The following TRIM11 variants were observed in gnomAD, a reference collection of about 807,000 sequenced individuals.
The protein encoded by TRIM11 is E3 ubiquitin-protein ligase TRIM11.
Under a neutral mutation model 33.4 loss-of-function variants are expected in TRIM11, and 15 were observed. That is an observed-to-expected ratio of 0.45 (90% CI 0.30 to 0.69). TRIM11 has a LOEUF of 0.69. Among genes scored for constraint, TRIM11 ranks in the 30% least tolerant of loss-of-function variants. TRIM11 has a pLI of 0.08. For synonymous variants in TRIM11, 281 were observed against 302.6 expected (o/e 0.93, Z 0.74); for missense variants, 499 against 667.6 (o/e 0.75, Z 2.78).
At position 228,406,203 on chromosome 1, in the gene TRIM11, T is replaced by A. The variant is rs1656410148; in HGVS notation, c.359A>T (p.His120Leu). ...LCAACERSGE[H>L]WAHRVRPLQD... The stretch of plus-strand genomic sequence containing the variant: ...CAGCGGCCGCACGCGGTGCGCCCAG[T>A]GCTCCCCAGAGCGCTCGCAGGCCGC... The change falls in exon 1 of 6, where the codon CAC (histidine) becomes CTC (leucine). Residue 120 changes from histidine to leucine, a missense_variant. His to Leu is a moderately conservative substitution (Grantham distance 99). Coordinates refer to ENST00000284551, the MANE Select transcript of TRIM11 (RefSeq NM_145214.3). This position sits in a 1 kb window ranked among gnomAD's most constrained non-coding sequence, Gnocchi z 8.2. 1 of 1,467,318 alleles carries A rather than the reference T, an allele frequency of 6.8e-7. No individual in the cohort carries two copies. Among genetic ancestry groups the A allele is most frequent in the Admixed American group, 2.6e-5 (1 of 38,698 alleles). The allele number at this position is 1,467,318 out of a possible 1,614,324, so 90.9% of individuals were successfully genotyped here. A position where few individuals can be genotyped will look rare whatever the true frequency, so the allele number is the denominator to read the frequency against.
At position 228,406,311 on chromosome 1, in the gene TRIM11, G is replaced by C; in HGVS notation, c.251C>G (p.Pro84Arg). ...GCACACGCCCTGCGGGACCGGCGAC[G>C]GCGGGTGCAGGCGCCGCGCCATCTC... ...MAEMARRLHP[P>R]SPVPQGVCPA... Residue 84 changes from proline to arginine, a missense_variant, in exon 1 of 6, where the codon CCG (proline) becomes CGG (arginine). Transcript: ENST00000284551. The surrounding 1 kb of genome is among the most constrained non-coding windows in gnomAD (Gnocchi z 8.2). 6.8e-7 allele frequency: 1 copy of C among 1,468,568 alleles called. No homozygotes were observed. The highest frequency in any genetic ancestry group is 9.0e-7 in the Non-Finnish European group (1 of 1,114,044). The allele number at this position is 1,468,568 out of a possible 1,614,324, so 91.0% of individuals were successfully genotyped here. A position where few individuals can be genotyped will look rare whatever the true frequency, so the allele number is the denominator to read the frequency against.
In TRIM11 at chr1:228,403,493, C is replaced by T. The variant is rs1447613184; in HGVS notation, c.409-1332G>A. 1 of 152,352 alleles carries T rather than the reference C, an allele frequency of 6.6e-6. No individual in the cohort carries two copies. Among genetic ancestry groups the T allele is most frequent in the African/African-American group, 2.4e-5 (1 of 41,456 alleles). 9.4% of individuals were successfully genotyped at this position (152,352 alleles called of 1,614,324 possible). A position where few individuals can be genotyped will look rare whatever the true frequency, so the allele number is the denominator to read the frequency against. On this transcript the variant is annotated intron_variant, in intron 1 of 5. Coordinates refer to ENST00000284551, the MANE Select transcript of TRIM11 (RefSeq NM_145214.3). This position sits in a 1 kb window ranked among gnomAD's most constrained non-coding sequence, Gnocchi z 4.8. ...CTAGGCTCAGCTCTCACGTGAGCTACAAGAACCCCAAATGGCGGTCCCTGT... is the reference window on the plus strand; with the variant it reads ...CTAGGCTCAGCTCTCACGTGAGCTATAAGAACCCCAAATGGCGGTCCCTGT...
rs1282050242 is a variant in TRIM11, at chr1:228,406,445, G to A, written c.117C>T (p.Cys39=). Residue 39 remains cysteine, a synonymous_variant, in exon 1 of 6, where the codon TGC becomes TGT. Transcript: ENST00000284551. This position sits in a 1 kb window ranked among gnomAD's most constrained non-coding sequence, Gnocchi z 8.2. ...CGGGCTGGCCCCAGCAGCGCCGGAT[G>A]CACTCGCGGCAGAAGTTGTGGCCGC... is the stretch of plus-strand genomic sequence containing the variant. ...TDCGHNFCRE[C]IRRCWGQPEG... is the part of the protein sequence containing the mutation. 2 of 1,590,034 alleles carry A rather than the reference G, an allele frequency of 1.3e-6. No homozygotes were observed. Among genetic ancestry groups the A allele is most frequent in the Non-Finnish European group, 8.5e-7 (1 of 1,172,970 alleles).
At chr1:228,402,630 C>T (rs1305326005) in intron 1 of TRIM11, 1 of 153,438 alleles carries the variant, frequency 6.5e-6, no homozygotes, top group Non-Finnish European at 1.5e-5. Context: ...TATGCCCCCA[C>T]AAATTCATAG....
Position 228,394,583 on chromosome 1 carries a change from C to G in TRIM11, c.*122G>C. On this transcript the variant is annotated 3_prime_UTR_variant, in exon 6 of 6. Coordinates refer to ENST00000284551, the MANE Select transcript of TRIM11 (RefSeq NM_145214.3). This position sits in a 1 kb window ranked among gnomAD's most constrained non-coding sequence, Gnocchi z 6.2. ...TCTCCCACGCAGGCTCAGAAAGGCA[C>G]CAGGAGTTCCTCCTCTTGCTCAAAG... is the stretch of plus-strand genomic sequence containing the variant. 1 of 1,125,746 alleles carries G rather than the reference C, an allele frequency of 8.9e-7. No homozygotes were observed. Among genetic ancestry groups the G allele is most frequent in the East Asian group, 2.6e-5 (1 of 38,562 alleles). 69.7% of individuals were successfully genotyped at this position (1,125,746 alleles called of 1,614,324 possible).
intron 3 of TRIM11, among the ~76,000 whole-genome samples, chr1:228,398,943 G>T (rs551363001): frequency 1.3e-5 from 2 of 152,014 alleles, no homozygotes; most frequent in African/African-American, 4.8e-5. Flanking sequence ...CACAGAACAC[G>T]GGCCCTCCAG....
rs202160403 is a variant in TRIM11, at chr1:228,401,140, G to A, written c.559C>T (p.Arg187Cys). 5 of 1,613,600 alleles carry A rather than the reference G, an allele frequency of 3.1e-6. No individual in the cohort carries two copies. Among genetic ancestry groups the A allele is most frequent in the East Asian group, 2.2e-5 (1 of 44,872 alleles). ...TGCTGCTCCTCCTCTGCCAGCAAAC[G>A]GCGAAGACGCTCGAACTCACCCAGC... Reference protein sequence around the residue: ...NVLGEFERLRRLLAEEEQQLL... With the variant: ...NVLGEFERLRCLLAEEEQQLL... The change falls in exon 3 of 6, where the codon CGT (arginine) becomes TGT (cysteine). Residue 187 changes from arginine to cysteine, a missense_variant. Arg to Cys is a radical substitution (Grantham distance 180). Coordinates refer to ENST00000284551, the MANE Select transcript of TRIM11 (RefSeq NM_145214.3). This position sits in a 1 kb window ranked among gnomAD's most constrained non-coding sequence, Gnocchi z 6.1.
chr1:228,401,056 C>T lies in TRIM11; in HGVS notation c.643G>A (p.Ala215Thr), dbSNP rs558730848. ...GCGCTCTGCTGGCCTAGGTGGGCTG[C>T]GCCCTCCCGCAGCCGGGGCAGCACC... ...LEVLPRLREG[A>T]AHLGQQSAHL... The change falls in exon 3 of 6, where the codon GCA becomes ACA. Residue 215 changes from alanine (A) to threonine (T), a missense_variant. Coordinates refer to ENST00000284551, the MANE Select transcript of TRIM11 (RefSeq NM_145214.3). The surrounding 1 kb of genome is among the most constrained non-coding windows in gnomAD (Gnocchi z 6.1). 49 of 1,612,490 alleles carry T rather than the reference C, an allele frequency of 3.0e-5. No individual in the cohort carries two copies. In the Admixed American group the frequency reaches 5.0e-4, roughly 16 times the overall value.
At chr1:228,399,174 C>T (rs1178436823) in intron 3 of TRIM11, among the ~76,000 whole-genome samples, 1 of 152,096 alleles carries the variant, frequency 6.6e-6, no homozygotes, top group African/African-American at 2.4e-5. Flanking sequence ...GTTCCCCTAC[C>T]CAACCGGGGG....
At position 228,395,512 on chromosome 1, in the gene TRIM11, G is replaced by C; in HGVS notation, c.860-260C>G. 2.7e-6 allele frequency: 1 copy of C among 363,868 alleles called. No individual in the cohort carries two copies. The highest frequency in any genetic ancestry group is 4.8e-6 in the Non-Finnish European group (1 of 206,368). 22.5% of individuals were successfully genotyped at this position (363,868 alleles called of 1,614,324 possible). A position where few individuals can be genotyped will look rare whatever the true frequency, so the allele number is the denominator to read the frequency against. ...CCTTCAGATATCAAGAGGGAATCTT[G>C]GTTGCTTTTTTTTTTTTTTTTAAAG... On this transcript the variant is annotated intron_variant, in intron 5 of 5. Transcript: ENST00000284551. The surrounding 1 kb of genome is among the most constrained non-coding windows in gnomAD (Gnocchi z 4.8).
chr1:228,405,434 G>A (rs1431847182), intron 1 of TRIM11: 1 of 152,322 alleles, frequency 6.6e-6, no homozygotes, highest in Non-Finnish European at 1.5e-5. Context: ...GCTCCCAGGA[G>A]CACACCTGCA....
intron 5 of TRIM11, 193 bp downstream of exon 5, chr1:228,396,754 T>C (rs928651431): frequency 2.1e-5 from 15 of 721,460 alleles, no homozygotes; most frequent in African/African-American, 1.7e-4. Context: ...AGTTGAAGAA[T>C]TGTTTGGTGT....
intron 3 of TRIM11, among the ~76,000 whole-genome samples, chr1:228,399,879 CAAAAAAAAAAACA>C (rs755070047): frequency 0.021 from 2,443 of 115,970 alleles, 67 homozygotes; most frequent in African/African-American, 0.078. Flanking sequence ...CTTAAATCTA[CAAAAAAAAAAACA>C]AAAAAAAAAA....
In TRIM11 at chr1:228,400,363, C is replaced by T. The variant is rs1249266114; in HGVS notation, c.735+601G>A. 6.6e-6 allele frequency among the ~76,000 whole-genome samples: 1 copy of T among 152,242 alleles called. No individual in the cohort carries two copies. Among genetic ancestry groups the T allele is most frequent in the African/African-American group, 2.4e-5 (1 of 41,464 alleles). Reference sequence around the variant, plus strand: ...GAGAGCTGACTCCAGGCCCCCTGACCTGCCGCCAGGCCACAGGCCAGGGCG... The same window carrying T: ...GAGAGCTGACTCCAGGCCCCCTGACTTGCCGCCAGGCCACAGGCCAGGGCG... On this transcript the variant is annotated intron_variant, in intron 3 of 5. Coordinates refer to ENST00000284551, the MANE Select transcript of TRIM11 (RefSeq NM_145214.3). This position sits in a 1 kb window ranked among gnomAD's most constrained non-coding sequence, Gnocchi z 4.5.
Position 228,394,511 on chromosome 1 carries a change from C to T in TRIM11, c.*194G>A. The T allele has an allele frequency of 1.6e-6, 1 of 638,410 alleles. No homozygotes were observed. Among genetic ancestry groups the T allele is most frequent in the African/African-American group, 1.8e-5 (1 of 54,560 alleles). 39.5% of individuals were successfully genotyped at this position (638,410 alleles called of 1,614,324 possible). On this transcript the variant is annotated 3_prime_UTR_variant, in exon 6 of 6. Transcript: ENST00000284551. This position sits in a 1 kb window ranked among gnomAD's most constrained non-coding sequence, Gnocchi z 6.2. ...GAGGGGTCTCCCAGGGAGGACGGAGCCTGCCCCACACTCTCCCACAGTTTC... is the reference window on the plus strand; with the variant it reads ...GAGGGGTCTCCCAGGGAGGACGGAGTCTGCCCCACACTCTCCCACAGTTTC...
rs1656303005 is a variant in TRIM11 at position 228,403,596 on chromosome 1, C to CA, written c.409-1436dup. On this transcript the variant is annotated intron_variant, in intron 1 of 5. Transcript: ENST00000284551. This position sits in a 1 kb window ranked among gnomAD's most constrained non-coding sequence, Gnocchi z 4.8. ...GGCCCCTGTGACCCCAACCCCACCT[C>CA]AAACACTTGGCCCAGTGCCTCTCAC... The CA allele has an allele frequency of 6.6e-6, 1 of 152,392 alleles. No individual in the cohort carries two copies. Among genetic ancestry groups the CA allele is most frequent in the African/African-American group, 2.4e-5 (1 of 41,478 alleles). The allele number at this position is 152,392 out of a possible 1,614,324, so 9.4% of individuals were successfully genotyped here.
In TRIM11 at chr1:228,406,136, AC is replaced by A; in HGVS notation, c.408+17del. 2 of 1,297,320 alleles carry A rather than the reference AC, an allele frequency of 1.5e-6. No individual in the cohort carries two copies. The highest frequency in any genetic ancestry group is 1.9e-6 in the Non-Finnish European group (2 of 1,027,418). 80.4% of individuals were successfully genotyped at this position (1,297,320 alleles called of 1,614,324 possible). ...CGGCTCCCCGACGCCCCTGCACGCC[AC>A]CCCCGCCCAGGAGCACCTTGAGGTC... On this transcript the variant is annotated intron_variant, in intron 1 of 5. Coordinates refer to ENST00000284551, the MANE Select transcript of TRIM11 (RefSeq NM_145214.3). The surrounding 1 kb of genome is among the most constrained non-coding windows in gnomAD (Gnocchi z 8.2).
In TRIM11 at chr1:228,395,228, G is replaced by A; in HGVS notation, c.884C>T (p.Thr295Ile). The A allele has an allele frequency of 1.4e-6, 2 of 1,476,570 alleles. No individual in the cohort carries two copies. Among genetic ancestry groups the A allele is most frequent in the Non-Finnish European group, 8.9e-7 (1 of 1,119,398 alleles). The allele number at this position is 1,476,570 out of a possible 1,614,324, so 91.5% of individuals were successfully genotyped here. A position where few individuals can be genotyped will look rare whatever the true frequency, so the allele number is the denominator to read the frequency against. Residue 295 changes from threonine to isoleucine, a missense_variant, in exon 6 of 6, where the codon ACC becomes ATC. Thr to Ile is a moderately conservative substitution (Grantham distance 89, BLOSUM62 -1). Coordinates refer to ENST00000284551, the MANE Select transcript of TRIM11 (RefSeq NM_145214.3). The surrounding 1 kb of genome is among the most constrained non-coding windows in gnomAD (Gnocchi z 4.8). Reference sequence around the variant, plus strand: ...AGACAGGATCAGCTCAGGGTTGGCGGTGTCCGGGTCCAAGGTCACGTCCCC... The same window carrying A: ...AGACAGGATCAGCTCAGGGTTGGCGATGTCCGGGTCCAAGGTCACGTCCCC... ...FRGDVTLDPD[T>I]ANPELILSED...
In TRIM11 at chr1:228,395,761, A is replaced by C. The variant is rs1438443642; in HGVS notation, c.860-509T>G. ...GGGTTGGTCTTGAACTGATGGCCTC[A>C]AGCAATCCTCCCGCCTGAGCCTCTC... On this transcript the variant is annotated intron_variant, in intron 5 of 5. Transcript: ENST00000284551. This position sits in a 1 kb window ranked among gnomAD's most constrained non-coding sequence, Gnocchi z 4.8. 6.6e-6 allele frequency: 1 copy of C among 152,522 alleles called. No homozygotes were observed. Among genetic ancestry groups the C allele is most frequent in the Non-Finnish European group, 1.5e-5 (1 of 68,316 alleles). 9.4% of individuals were successfully genotyped at this position (152,522 alleles called of 1,614,324 possible).
Sources: gnomAD v4.1 joint callset for allele counts (sites outside exome capture counted in the v4.1 genomes callset) on GRCh38, gnomAD v4.1.1 for gene constraint, Gnocchi (gnomAD v3.1) non-coding constraint, MANE v1.5 for transcripts, NCBI Gene and HGNC (gene_info 2026-07-23, HGNC 2026-07-21) for gene names.